The following NUDCD3 variants were observed in gnomAD, a reference collection of about 807,000 sequenced individuals.
NUDCD3 encodes the protein NudC domain containing 3.
In NUDCD3, 13 loss-of-function variants were observed where a neutral mutation model predicts 39.7. The observed-to-expected ratio is 0.33, with a 90% CI of 0.21 to 0.52. NUDCD3 has a LOEUF of 0.52. Among genes scored for constraint, NUDCD3 ranks in the 20% least tolerant of loss-of-function variants. NUDCD3 has a pLI of 0.96. For missense variants in NUDCD3, 453 were observed against 458.1 expected (o/e 0.99, Z 0.10); for synonymous variants, 175 against 172.4 (o/e 1.02, Z -0.12).
intron 2 of NUDCD3, among the ~76,000 whole-genome samples, chr7:44,470,769 T>C (rs151273267): frequency 1.3e-3 from 199 of 152,374 alleles, no homozygotes; most frequent in Non-Finnish European, 2.4e-3. Flanking sequence ...GCCTCAGGAC[T>C]CTACTAGCAA....
intron 2 of NUDCD3, among the ~76,000 whole-genome samples, chr7:44,445,985 A>G (rs1749377774): frequency 6.6e-6 from 1 of 152,228 alleles, no homozygotes; most frequent in Non-Finnish European, 1.5e-5. Flanking sequence ...AGTCAGGGAA[A>G]CAACACTTCC....
chr7:44,427,761 G>A (rs1016416544), intron 2 of NUDCD3, 58 bp from the exon 3 acceptor site: 3 of 1,581,974 alleles, frequency 1.9e-6, no homozygotes, highest in African/African-American at 1.3e-5. Flanking sequence ...AGGACCCCAT[G>A]GGCAGCCTAG....
chr7:44,432,920 G>T (rs1799391470), intron 2 of NUDCD3, among the ~76,000 whole-genome samples: 1 of 152,190 alleles, frequency 6.6e-6, no homozygotes, highest in South Asian at 2.1e-4. Flanking sequence ...TGAAATGTTT[G>T]TGTTCCCCTA....
In NUDCD3 at chr7:44,380,739, G is replaced by C. The variant is rs1313465976; in HGVS notation, c.*5272C>G. 2 of 152,252 alleles carry C rather than the reference G, an allele frequency of 1.3e-5. No individual in the cohort carries two copies. Among genetic ancestry groups the C allele is most frequent in the African/African-American group, 4.8e-5 (2 of 41,450 alleles). The allele number at this position is 152,252 out of a possible 1,614,324, so 9.4% of individuals were successfully genotyped here. A position where few individuals can be genotyped will look rare whatever the true frequency, so the allele number is the denominator to read the frequency against. ...GGTCACAAGATGGCCTTGATCCCCA[G>C]TTATCTGGATCCCCAGTTCCCTGAA... On this transcript the variant is annotated 3_prime_UTR_variant, in exon 6 of 6. Transcript: ENST00000355451.
At chr7:44,447,883 T>A (rs1165661928) in intron 2 of NUDCD3, among the ~76,000 whole-genome samples, 2 of 152,080 alleles carry the variant, frequency 1.3e-5, no homozygotes, top group African/African-American at 4.8e-5. Context: ...CCACACAGGA[T>A]TGCACACAGA....
At chr7:44,396,126 T>TGTGTGTGTGTGTGTG (rs1563164530) in intron 4 of NUDCD3, among the ~76,000 whole-genome samples, 2 of 147,968 alleles carry the variant, frequency 1.4e-5, no homozygotes, top group Admixed American at 7.2e-5. Flanking sequence ...TGTGTGTGTG[T>TGTGTGTGTGTGTGTG]TTAATTACAG....
In NUDCD3 at chr7:44,394,590, T is replaced by C. The variant is rs543224125; in HGVS notation, c.787-2105A>G. ...CCAGTAGTTATTACTGTGATCCATG[T>C]AACTTATTTTATTAGCGTTCACAAG... On this transcript the variant is annotated intron_variant, in intron 4 of 5. Transcript: ENST00000355451. 3.9e-5 allele frequency among the ~76,000 whole-genome samples: 6 copies of C among 152,382 alleles called. No homozygotes were observed. In the South Asian group the frequency reaches 6.2e-4, roughly 16 times the overall value.
intron 3 of NUDCD3, among the ~76,000 whole-genome samples, chr7:44,416,899 G>A (rs1480406992): frequency 6.6e-6 from 1 of 152,150 alleles, no homozygotes. Flanking sequence ...GCCCTCATGG[G>A]TGCACAGCGA....
At chr7:44,455,615 AGTGT>A (rs1316416036) in intron 2 of NUDCD3, among the ~76,000 whole-genome samples, 2 of 152,054 alleles carry the variant, frequency 1.3e-5, no homozygotes, top group African/African-American at 2.4e-5. Flanking sequence ...TGACAGCGCA[AGTGT>A]GTGTGTGAGT....
Position 44,488,630 on chromosome 7 carries a change from C to T in NUDCD3, c.192+1779G>A, listed in dbSNP as rs116951077. ...TCCTACCTGCAACTTCAAGTTCAAC[C>T]TGTCTAAAACTGAACTTTTTCCCCT... On this transcript the variant is annotated intron_variant, in intron 1 of 5. Transcript: ENST00000355451. Among the ~76,000 whole-genome samples the T allele has an allele frequency of 3.3e-5, 5 of 152,296 alleles. No individual in the cohort carries two copies. The East Asian group carries it at 9.6e-4, about 29-fold the overall frequency.
chr7:44,443,109 T>G (rs1045334044), intron 2 of NUDCD3, among the ~76,000 whole-genome samples: 1 of 152,216 alleles, frequency 6.6e-6, no homozygotes, highest in African/African-American at 2.4e-5. Context: ...TGTTTACTTA[T>G]GCAACCAAGA....
At chr7:44,487,964 A>AC (rs1367158835) in intron 1 of NUDCD3, among the ~76,000 whole-genome samples, 24 of 151,832 alleles carry the variant, frequency 1.6e-4, no homozygotes, top group African/African-American at 5.8e-4. Flanking sequence ...AAAATAAAAA[A>AC]TAAAAAAATA....
In NUDCD3 at chr7:44,473,859, GA is replaced by G. The variant is rs546570786; in HGVS notation, c.509+11108del. On this transcript the variant is annotated intron_variant, in intron 2 of 5. Transcript: ENST00000355451. ...TTACTTTACCAAATAAATTTTGAGG[GA>G]AAAAAAAGAGAGAAAAATGGAGGGT... Among the ~76,000 whole-genome samples, 293 of 151,878 alleles carry G rather than the reference GA, an allele frequency of 1.9e-3. 2 individuals are homozygous for G. Among genetic ancestry groups the G allele is most frequent in the Admixed American group, 2.8e-3 (43 of 15,264 alleles).
chr7:44,476,309 T>G (rs901039342), intron 2 of NUDCD3, among the ~76,000 whole-genome samples: 5 of 152,192 alleles, frequency 3.3e-5, no homozygotes, highest in African/African-American at 1.2e-4. Context: ...GTGAGTGCTA[T>G]AGAAGGAATG....
At chr7:44,421,031 C>A (rs1322359872) in intron 3 of NUDCD3, among the ~76,000 whole-genome samples, 1 of 151,978 alleles carries the variant, frequency 6.6e-6, no homozygotes, top group African/African-American at 2.4e-5. Context: ...GGCTAAATGC[C>A]CCAATTAAAA....
chr7:44,402,410 C>T (rs550157486), intron 4 of NUDCD3, among the ~76,000 whole-genome samples: 1 of 152,236 alleles, frequency 6.6e-6, no homozygotes, highest in African/African-American at 2.4e-5. Flanking sequence ...GAAATATCCA[C>T]GAAGAAGTTA....
At chr7:44,423,105 A>G (rs1463731622) in intron 3 of NUDCD3, among the ~76,000 whole-genome samples, 1 of 152,220 alleles carries the variant, frequency 6.6e-6, no homozygotes, top group Non-Finnish European at 1.5e-5. Flanking sequence ...TTCATGCTAA[A>G]AACTCTCAAC....
chr7:44,398,216 T>C (rs1798657507), intron 4 of NUDCD3, among the ~76,000 whole-genome samples: 1 of 152,174 alleles, frequency 6.6e-6, no homozygotes, highest in African/African-American at 2.4e-5. Context: ...CCCTCCACAC[T>C]GACTGATGGC....
intron 2 of NUDCD3, among the ~76,000 whole-genome samples, chr7:44,457,061 A>G (rs1178540174): frequency 1.3e-5 from 2 of 152,070 alleles, no homozygotes; most frequent in East Asian, 1.9e-4. Flanking sequence ...ACATGTCCCA[A>G]TAATCTCTCA....
Sources: allele counts gnomAD v4.1 joint callset (sites outside exome capture counted in the v4.1 genomes callset), GRCh38; gene constraint gnomAD v4.1.1; transcripts MANE v1.5; gene names NCBI Gene and HGNC (gene_info 2026-07-23, HGNC 2026-07-21).